Variants in PRKCA observed in about 807,000 individuals in gnomAD.
The protein encoded by PRKCA is protein kinase C alpha.
In PRKCA, 27 loss-of-function variants were observed where a neutral mutation model predicts 87.0. The observed-to-expected ratio is 0.31, with a 90% CI of 0.23 to 0.43. The LOEUF (loss-of-function observed/expected upper bound fraction) is 0.43. PRKCA is among the 20% of genes least tolerant of loss of function. The pLI, the probability that PRKCA is intolerant of heterozygous loss-of-function variation, is 1.00. For synonymous variants in PRKCA, 329 were observed against 311.1 expected (o/e 1.06, Z -0.61); for missense variants, 518 against 852.3 (o/e 0.61, Z 4.88).
chr17:66,530,505 A>G (rs1567879052), intron 3 of PRKCA, among the ~76,000 whole-genome samples: 3 of 152,154 alleles, frequency 2.0e-5, no homozygotes, highest in South Asian at 2.1e-4. Flanking sequence ...GAGCTTTGCA[A>G]TTTGCTGCCT....
At chr17:66,541,657 A>G (rs1385546618) in intron 3 of PRKCA, among the ~76,000 whole-genome samples, 3 of 152,216 alleles carry the variant, frequency 2.0e-5, no homozygotes, top group Non-Finnish European at 4.4e-5. Flanking sequence ...AGTGCATCTG[A>G]CACCGTTTGC....
intron 2 of PRKCA, among the ~76,000 whole-genome samples, chr17:66,310,014 T>C (rs1905014477): frequency 6.6e-6 from 1 of 152,162 alleles, no homozygotes; most frequent in Non-Finnish European, 1.5e-5. Flanking sequence ...AACAGTGTTA[T>C]CCACTGCTTT....
chr17:66,743,828 A>G (rs553133081), intron 13 of PRKCA, among the ~76,000 whole-genome samples: 2 of 152,328 alleles, frequency 1.3e-5, no homozygotes, highest in Non-Finnish European at 2.9e-5. Context: ...TCTCAGAGAC[A>G]GTAGGGATAG....
rs1158979677 is a variant in PRKCA, at chr17:66,804,108, C to G, written c.*71C>G. On this transcript the variant is annotated 3_prime_UTR_variant, in exon 17 of 17. Coordinates refer to ENST00000413366, the MANE Select transcript of PRKCA (RefSeq NM_002737.3). Reference sequence around the variant, plus strand: ...CGCAGTGGGAAGTGAATCCTTAACCCTAAAATTTTAAGGCCACGGCCTTGT... The same window carrying G: ...CGCAGTGGGAAGTGAATCCTTAACCGTAAAATTTTAAGGCCACGGCCTTGT... 5.9e-6 allele frequency: 9 copies of G among 1,538,036 alleles called. No individual in the cohort carries two copies. Among genetic ancestry groups the G allele is most frequent in the African/African-American group, 4.1e-5 (3 of 72,710 alleles).
At chr17:66,399,236 A>G (rs908393224) in intron 2 of PRKCA, among the ~76,000 whole-genome samples, 1 of 151,446 alleles carries the variant, frequency 6.6e-6, no homozygotes, top group Non-Finnish European at 1.5e-5. Context: ...GTAGTGGGAC[A>G]CCATGCCCGG....
At chr17:66,454,825 A>G (rs1320922182) in intron 2 of PRKCA, among the ~76,000 whole-genome samples, 1 of 152,214 alleles carries the variant, frequency 6.6e-6, no homozygotes, top group African/African-American at 2.4e-5. Flanking sequence ...CCGTATCAGT[A>G]GGTTTAAGGT....
rs750171582 is a variant in PRKCA, at chr17:66,807,512, C to T, written c.*3475C>T. On this transcript the variant is annotated 3_prime_UTR_variant, in exon 17 of 17. Coordinates refer to ENST00000413366, the MANE Select transcript of PRKCA (RefSeq NM_002737.3). The surrounding 1 kb of genome is among the most constrained non-coding windows in gnomAD (Gnocchi z 4.3). ...ACTAATTCAAAAGGCAGATCAGAAACCACAGGAGTCAAAATTATTGCTCCG... is the reference window on the plus strand; with the variant it reads ...ACTAATTCAAAAGGCAGATCAGAAATCACAGGAGTCAAAATTATTGCTCCG... 7.2e-5 allele frequency: 11 copies of T among 152,252 alleles called. No individual in the cohort carries two copies. Among genetic ancestry groups the T allele is most frequent in the African/African-American group, 2.7e-4 (11 of 41,456 alleles). 9.4% of individuals were successfully genotyped at this position (152,252 alleles called of 1,614,324 possible).
At chr17:66,742,867 A>C (rs528156836) in intron 13 of PRKCA, 107 bp downstream of exon 13, 5 of 1,299,030 alleles carry the variant, frequency 3.8e-6, no homozygotes. Context: ...GTGCATGGTC[A>C]CAGCCACTAA....
chr17:66,363,377 G>A lies in PRKCA; in HGVS notation c.205+57250G>A, dbSNP rs556834623. Among the ~76,000 whole-genome samples the A allele has an allele frequency of 5.6e-4, 86 of 152,320 alleles. 1 individual carries two copies. The highest frequency in any genetic ancestry group is 2.0e-3 in the African/African-American group (84 of 41,552). ...GAGGAAACAGTTACTGATTTTCTTA[G>A]TGTGAGACCAGAAAAATGAAGCGTT... On this transcript the variant is annotated intron_variant, in intron 2 of 16. Coordinates refer to ENST00000413366, the MANE Select transcript of PRKCA (RefSeq NM_002737.3).
intron 5 of PRKCA, among the ~76,000 whole-genome samples, chr17:66,660,906 C>G (rs1261790479): frequency 6.9e-6 from 1 of 145,138 alleles, no homozygotes; most frequent in African/African-American, 2.5e-5. Context: ...AAGACGCTGT[C>G]TTAAAAATAA....
intron 14 of PRKCA, among the ~76,000 whole-genome samples, chr17:66,781,865 AG>A (rs1975225831): frequency 8.9e-6 from 1 of 111,842 alleles, no homozygotes; most frequent in East Asian, 2.8e-4. Flanking sequence ...AGAGAGAGAG[AG>A]AGATATATAT....
intron 8 of PRKCA, among the ~76,000 whole-genome samples, chr17:66,729,808 CAGAGTCTCACTCTAT>C (rs1314843940): frequency 3.0e-5 from 3 of 100,200 alleles, no homozygotes; most frequent in African/African-American, 4.1e-5. Context: ...TTTTCTGAGA[CAGAGTCTCACTCTAT>C]AGCCCAGGCT....
intron 4 of PRKCA, among the ~76,000 whole-genome samples, chr17:66,644,185 C>A (rs1402835267): frequency 6.6e-6 from 1 of 152,198 alleles, no homozygotes; most frequent in African/African-American, 2.4e-5. Flanking sequence ...TAATAGCATC[C>A]ACATTTGTGA....
At chr17:66,629,315 T>C (rs1468096919) in intron 3 of PRKCA, among the ~76,000 whole-genome samples, 2 of 152,182 alleles carry the variant, frequency 1.3e-5, no homozygotes, top group Non-Finnish European at 2.9e-5. Context: ...TATTTGAACT[T>C]CATGACAAAA....
chr17:66,704,749 T>G (rs1973148997), intron 8 of PRKCA, among the ~76,000 whole-genome samples: 1 of 152,250 alleles, frequency 6.6e-6, no homozygotes, highest in South Asian at 2.1e-4. Context: ...GAGATTATCC[T>G]TCTTACTAAT....
At chr17:66,472,539 A>G (rs942850354) in intron 2 of PRKCA, among the ~76,000 whole-genome samples, 1 of 152,228 alleles carries the variant, frequency 6.6e-6, no homozygotes, top group Non-Finnish European at 1.5e-5. Context: ...TTTCCACAAA[A>G]TTGACCTCAT....
At chr17:66,511,029 C>T (rs1917204671) in intron 3 of PRKCA, among the ~76,000 whole-genome samples, 1 of 151,948 alleles carries the variant, frequency 6.6e-6, no homozygotes, top group Non-Finnish European at 1.5e-5. Context: ...TTAAAACATA[C>T]AGATTATAAC....
intron 3 of PRKCA, among the ~76,000 whole-genome samples, chr17:66,582,437 C>T (rs557754426): frequency 4.6e-5 from 7 of 152,162 alleles, no homozygotes; most frequent in East Asian, 1.9e-4. Flanking sequence ...ATCATGGGGG[C>T]GGTTCCCCCC....
At chr17:66,638,957 C>T (rs761602687) in intron 3 of PRKCA, among the ~76,000 whole-genome samples, 13 of 152,176 alleles carry the variant, frequency 8.5e-5, no homozygotes, top group Non-Finnish European at 1.5e-4. Context: ...TGGAATTCCC[C>T]GAAATCACCA....
Sources: gnomAD v4.1 joint callset for allele counts (sites outside exome capture counted in the v4.1 genomes callset) on GRCh38, gnomAD v4.1.1 for gene constraint, Gnocchi (gnomAD v3.1) non-coding constraint, MANE v1.5 for transcripts, NCBI Gene and HGNC (gene_info 2026-07-23, HGNC 2026-07-21) for gene names.